Variants in AR observed in about 807,000 individuals in gnomAD.
AR encodes androgen receptor.
In AR, 8 loss-of-function variants were observed where a neutral mutation model predicts 53.9. That is an observed-to-expected ratio of 0.15 (90% CI 0.09 to 0.27). AR has a LOEUF of 0.27. Among genes scored for constraint, AR ranks in the 10% least tolerant of loss-of-function variants. The probability of loss-of-function intolerance (pLI) is 1.00; values close to 1 mark genes in which losing one functional copy is unlikely to be tolerated. For missense variants in AR, 639 were observed against 742.5 expected (o/e 0.86, Z 1.62); for synonymous variants, 359 against 316.4 (o/e 1.13, Z -1.43).
chrX:67,660,196 A>G lies in AR; in HGVS notation c.1768+16789A>G, dbSNP rs760566898. Among the ~76,000 whole-genome samples, 7 of 112,088 alleles carry G rather than the reference A, an allele frequency of 6.2e-5. No individual in the cohort carries two copies. In the South Asian group the frequency reaches 2.6e-3, roughly 42 times the overall value. On this transcript the variant is annotated intron_variant, in intron 2 of 7. Coordinates refer to ENST00000374690, the MANE Select transcript of AR (RefSeq NM_000044.6). Reference sequence around the variant, plus strand: ...CACTCTGATGGTAGTTTCTTTTGCTATGCAGAAGTTCTTTAGTTGAATTAG... The same window carrying G: ...CACTCTGATGGTAGTTTCTTTTGCTGTGCAGAAGTTCTTTAGTTGAATTAG...
intron 2 of AR, among the ~76,000 whole-genome samples, chrX:67,661,621 A>C (rs1371901565): frequency 9.0e-6 from 1 of 111,539 alleles, no homozygotes; most frequent in Admixed American, 9.5e-5. Context: ...TTTTTGCATC[A>C]ATGTTTATCA....
chrX:67,637,066 T>G, intron 1 of AR, among the ~76,000 whole-genome samples: 1 of 111,860 alleles, frequency 8.9e-6, no homozygotes, highest in East Asian at 2.8e-4. Context: ...ATTTTCACTT[T>G]AGTATGGATG....
intron 1 of AR, among the ~76,000 whole-genome samples, chrX:67,634,083 G>A (rs1160081605): frequency 1.8e-5 from 2 of 111,299 alleles, no homozygotes; most frequent in Non-Finnish European, 3.8e-5. Context: ...TTAAAACCAA[G>A]CTATAACAGA....
chrX:67,546,983 C>G (rs1354894395), intron 1 of AR, among the ~76,000 whole-genome samples: 1 of 110,258 alleles, frequency 9.1e-6, no homozygotes, highest in Non-Finnish European at 1.9e-5. Flanking sequence ...TTCCTGCCCT[C>G]CCAGATTCTT....
intron 3 of AR, among the ~76,000 whole-genome samples, chrX:67,705,812 T>C (rs1247241588): frequency 9.0e-5 from 10 of 111,668 alleles, no homozygotes; most frequent in Non-Finnish European, 1.7e-4. Context: ...TATTTTGAGA[T>C]ACGTCCCATC....
intron 5 of AR, among the ~76,000 whole-genome samples, chrX:67,719,727 G>A (rs1233989153): frequency 1.8e-5 from 2 of 112,135 alleles, no homozygotes; most frequent in African/African-American, 6.5e-5. Flanking sequence ...ATACCAAATA[G>A]GATTCCAGTC....
At chrX:67,564,513 G>A (rs2033449755) in intron 1 of AR, among the ~76,000 whole-genome samples, 1 of 111,895 alleles carries the variant, frequency 8.9e-6, no homozygotes, top group South Asian at 3.7e-4. Context: ...TTGGCGGGAT[G>A]TATTTGTTTG....
chrX:67,577,701 C>T (rs1326840182), intron 1 of AR, among the ~76,000 whole-genome samples: 1 of 111,028 alleles, frequency 9.0e-6, no homozygotes, highest in African/African-American at 3.3e-5. Flanking sequence ...TGAATTGGGA[C>T]CCCATCATGC....
chrX:67,728,176 G>GA lies in AR; in HGVS notation c.*4335_*4336insA, dbSNP rs2076165410. On this transcript the variant is annotated 3_prime_UTR_variant, in exon 8 of 8. Transcript: ENST00000374690. ...GTGACTGACTTATAAGAGCTTTGTG[G>GA]GTTTTTTTTTCCCTAATAATATACA... The GA allele has an allele frequency of 1.2e-5, 1 of 80,484 alleles. No homozygotes were observed. The highest frequency in any genetic ancestry group is 3.6e-4 in the Admixed American group (1 of 2,801). 6.6% of individuals were successfully genotyped at this position (80,484 alleles called of 1,213,427 possible). A position where few individuals can be genotyped will look rare whatever the true frequency, so the allele number is the denominator to read the frequency against.
At chrX:67,629,769 G>T (rs1284327391) in intron 1 of AR, among the ~76,000 whole-genome samples, 1 of 109,919 alleles carries the variant, frequency 9.1e-6, no homozygotes, top group African/African-American at 3.3e-5. Context: ...TCTCTTGCGG[G>T]CATTTAGTGC....
chrX:67,554,165 T>C (rs947726545), intron 1 of AR, among the ~76,000 whole-genome samples: 2 of 112,205 alleles, frequency 1.8e-5, no homozygotes, highest in African/African-American at 6.5e-5. Context: ...TATAATCCCT[T>C]TTTTAGAATT....
intron 1 of AR, among the ~76,000 whole-genome samples, chrX:67,639,781 T>C (rs1016829345): frequency 1.3e-4 from 15 of 111,675 alleles, no homozygotes; most frequent in Non-Finnish European, 1.1e-4. Context: ...CAATTTGACT[T>C]CCTGTTTTCC....
intron 1 of AR, among the ~76,000 whole-genome samples, chrX:67,636,438 T>G (rs1262149622): frequency 8.9e-6 from 1 of 112,206 alleles, no homozygotes; most frequent in Non-Finnish European, 1.9e-5. Flanking sequence ...TATTGTGAAT[T>G]ATGTCTTTTA....
rs1223802674 is a variant in AR, at chrX:67,725,007, C to T, written c.*1166C>T. The T allele has an allele frequency of 1.1e-5, 2 of 174,015 alleles. No homozygotes were observed. The highest frequency in any genetic ancestry group is 7.9e-5 in the Admixed American group (1 of 12,642). 14.3% of individuals were successfully genotyped at this position (174,015 alleles called of 1,213,427 possible). A position where few individuals can be genotyped will look rare whatever the true frequency, so the allele number is the denominator to read the frequency against. ...GACACTGACTGAATAGTTAAACTCT[C>T]ACTGCCACTACCTTTTCCCCACCTT... On this transcript the variant is annotated 3_prime_UTR_variant, in exon 8 of 8. Transcript: ENST00000374690.
At chrX:67,695,787 TCCC>T (rs201232555) in intron 3 of AR, 4 of 705,151 alleles carry the variant, frequency 5.7e-6, no homozygotes, top group South Asian at 1.5e-4. Context: ...TCTCTCTCTC[TCCC>T]CCCCCAACAC....
rs1220019494 is a variant in AR, at chrX:67,545,669, A to C, written c.523A>C (p.Ser175Arg). Residue 175 changes from serine (S) to arginine (R), a missense_variant, in exon 1 of 8, where the codon AGC (serine) becomes CGC (arginine). Coordinates refer to ENST00000374690, the MANE Select transcript of AR (RefSeq NM_000044.6). ...SLLGPTFPGL[S>R]SCSADLKDIL... Reference sequence around the variant, plus strand: ...GCTGGGCCCCACTTTCCCCGGCTTAAGCAGCTGCTCCGCTGACCTTAAAGA... The same window carrying C: ...GCTGGGCCCCACTTTCCCCGGCTTACGCAGCTGCTCCGCTGACCTTAAAGA... 8.3e-7 allele frequency: 1 copy of C among 1,202,309 alleles called. No homozygotes were observed.
intron 2 of AR, among the ~76,000 whole-genome samples, chrX:67,667,525 G>T (rs994824043): frequency 6.3e-5 from 7 of 111,121 alleles, no homozygotes; most frequent in South Asian, 3.8e-4. Context: ...TTTTCCTCAA[G>T]ATAGCTTTGC....
intron 3 of AR, chrX:67,695,452 C>T: frequency 1.3e-6 from 1 of 754,212 alleles, no homozygotes; most frequent in Non-Finnish European, 1.6e-6. Flanking sequence ...TTACTGTAGC[C>T]ACACTCCTTG....
At chrX:67,642,999 A>G (rs1004739382) in intron 1 of AR, among the ~76,000 whole-genome samples, 1 of 111,766 alleles carries the variant, frequency 8.9e-6, no homozygotes, top group Non-Finnish European at 1.9e-5. Context: ...TTGCTCCCGC[A>G]TATAGACATA....
Sources: allele counts gnomAD v4.1 joint callset (sites outside exome capture counted in the v4.1 genomes callset), GRCh38; gene constraint gnomAD v4.1.1; transcripts MANE v1.5; gene names NCBI Gene and HGNC (gene_info 2026-07-23, HGNC 2026-07-21).